Variants in FGF5 observed in about 807,000 individuals in gnomAD.
FGF5 encodes heparin-binding growth factor 5.
In FGF5, 23 loss-of-function variants were observed where a neutral mutation model predicts 21.8. The observed-to-expected ratio is 1.05, with a 90% CI of 0.76 to 1.49. FGF5 has a LOEUF of 1.49. FGF5 is among the 40% of genes most tolerant of loss of function. The pLI, the probability that FGF5 is intolerant of heterozygous loss-of-function variation, is 0.00. For synonymous variants in FGF5, 158 were observed against 124.0 expected (o/e 1.27, Z -1.82); for missense variants, 352 against 332.9 (o/e 1.06, Z -0.45).
Position 80,287,509 on chromosome 4 carries a change from T to C in FGF5, c.*837T>C, listed in dbSNP as rs1720771276. The C allele has an allele frequency of 6.6e-6, 1 of 152,184 alleles. No individual in the cohort carries two copies. Among genetic ancestry groups the C allele is most frequent in the Non-Finnish European group, 1.5e-5 (1 of 68,018 alleles). The allele number at this position is 152,184 out of a possible 1,614,324, so 9.4% of individuals were successfully genotyped here. A position where few individuals can be genotyped will look rare whatever the true frequency, so the allele number is the denominator to read the frequency against. On this transcript the variant is annotated 3_prime_UTR_variant, in exon 3 of 3. Coordinates refer to ENST00000312465, the MANE Select transcript of FGF5 (RefSeq NM_004464.4). ...AAGGAAAAGGATTTAGAGGTAAAAG[T>C]ACACTAAGTTTGCAACATTTATTGA...
chr4:80,267,028 C>A lies in FGF5; in HGVS notation c.204C>A (p.Gly68=). The A allele has an allele frequency of 6.2e-7, 1 of 1,614,264 alleles. No individual in the cohort carries two copies. Among genetic ancestry groups the A allele is most frequent in the Non-Finnish European group, 8.5e-7 (1 of 1,180,046 alleles). The part of the protein sequence containing the change: ...SASSSPAASL[G]SQGSGLEQSS... ...CCTCCTCCCCCGCAGCTTCTCTGGGCAGCCAAGGAAGTGGCTTGGAGCAGA... is the reference window on the plus strand; with the variant it reads ...CCTCCTCCCCCGCAGCTTCTCTGGGAAGCCAAGGAAGTGGCTTGGAGCAGA... The change falls in exon 1 of 3, where the codon GGC becomes GGA. Residue 68 remains glycine (G), a synonymous_variant. Transcript: ENST00000312465.
intron 2 of FGF5, among the ~76,000 whole-genome samples, chr4:80,279,843 A>C (rs1397111901): frequency 1.3e-5 from 2 of 152,190 alleles, no homozygotes; most frequent in Non-Finnish European, 2.9e-5. Context: ...GTTTTAGGGG[A>C]TCATGTTTGA....
intron 1 of FGF5, among the ~76,000 whole-genome samples, chr4:80,271,968 G>A (rs144920695): frequency 2.6e-5 from 4 of 152,298 alleles, no homozygotes; most frequent in East Asian, 1.9e-4. Context: ...GTTTTGGGGA[G>A]GAGGGCAGGA....
chr4:80,267,451 C>T lies in FGF5; in HGVS notation c.355+272C>T, dbSNP rs1225640836. Among the ~76,000 whole-genome samples, 7 of 152,326 alleles carry T rather than the reference C, an allele frequency of 4.6e-5. No homozygotes were observed. The East Asian group carries it at 9.7e-4, about 21-fold the overall frequency. The stretch of plus-strand genomic sequence containing the variant: ...AGACGGGTACCTTGTTTTCAGTTTG[C>T]TCTAGCCTCAAAGACGAGTCCCCAG... On this transcript the variant is annotated intron_variant, in intron 1 of 2. Coordinates refer to ENST00000312465, the MANE Select transcript of FGF5 (RefSeq NM_004464.4).
chr4:80,272,965 T>C (rs17004861), intron 1 of FGF5, among the ~76,000 whole-genome samples: 10,473 of 152,184 alleles, frequency 0.069, 406 homozygotes, highest in Non-Finnish European at 0.083. Context: ...ATCACTGTTA[T>C]AGTCATGCTT....
In FGF5 at chr4:80,267,066, G is replaced by T; in HGVS notation, c.242G>T (p.Trp81Leu). 2 of 1,614,236 alleles carry T rather than the reference G, an allele frequency of 1.2e-6. No individual in the cohort carries two copies. The highest frequency in any genetic ancestry group is 1.7e-6 in the Non-Finnish European group (2 of 1,180,046). ...GSGLEQSSFQWSPSGRRTGSL... is the reference protein window; with the variant it reads ...GSGLEQSSFQLSPSGRRTGSL... ...GGCTTGGAGCAGAGCAGTTTCCAGT[G>T]GAGCCCCTCGGGGCGCCGGACCGGC... The change falls in exon 1 of 3, where the codon TGG (tryptophan) becomes TTG (leucine). Residue 81 changes from tryptophan to leucine, a missense_variant. Transcript: ENST00000312465.
chr4:80,269,441 T>G (rs1178740567), intron 1 of FGF5, among the ~76,000 whole-genome samples: 1 of 151,992 alleles, frequency 6.6e-6, no homozygotes, highest in Non-Finnish European at 1.5e-5. Context: ...GAGGGGGTGT[T>G]GTAGAAAAGC....
In FGF5 at chr4:80,289,075, C is replaced by T. The variant is rs2109933399; in HGVS notation, c.*2403C>T. 1 of 150,938 alleles carries T rather than the reference C, an allele frequency of 6.6e-6. No individual in the cohort carries two copies. The highest frequency in any genetic ancestry group is 2.1e-4 in the South Asian group (1 of 4,778). The allele number at this position is 150,938 out of a possible 1,614,324, so 9.3% of individuals were successfully genotyped here. A position where few individuals can be genotyped will look rare whatever the true frequency, so the allele number is the denominator to read the frequency against. On this transcript the variant is annotated 3_prime_UTR_variant, in exon 3 of 3. Coordinates refer to ENST00000312465, the MANE Select transcript of FGF5 (RefSeq NM_004464.4). The stretch of plus-strand genomic sequence containing the variant: ...GTGGCATGATCTCGGCTCACTGCAA[C>T]CTCCAACTCCCTGGTTTAAGGGATT...
chr4:80,289,599 T>C lies in FGF5; in HGVS notation c.*2927T>C, dbSNP rs1356208155. ...CATGTCAGTTTTATCAATTATATTATGTTTAATTATTTAAGATTTCTTTAT... is the reference window on the plus strand; with the variant it reads ...CATGTCAGTTTTATCAATTATATTACGTTTAATTATTTAAGATTTCTTTAT... On this transcript the variant is annotated 3_prime_UTR_variant, in exon 3 of 3. Coordinates refer to ENST00000312465, the MANE Select transcript of FGF5 (RefSeq NM_004464.4). 2 of 152,130 alleles carry C rather than the reference T, an allele frequency of 1.3e-5. No individual in the cohort carries two copies. Among genetic ancestry groups the C allele is most frequent in the African/African-American group, 2.4e-5 (1 of 41,442 alleles). The allele number at this position is 152,130 out of a possible 1,614,324, so 9.4% of individuals were successfully genotyped here. A position where few individuals can be genotyped will look rare whatever the true frequency, so the allele number is the denominator to read the frequency against.
At chr4:80,269,384 A>G (rs773501123) in intron 1 of FGF5, among the ~76,000 whole-genome samples, 2 of 152,172 alleles carry the variant, frequency 1.3e-5, no homozygotes, top group Non-Finnish European at 2.9e-5. Flanking sequence ...CTTCTCTACG[A>G]AGACACTATA....
rs538995285 is a variant in FGF5, at chr4:80,270,561, T to A, written c.355+3382T>A. 2.0e-5 allele frequency among the ~76,000 whole-genome samples: 3 copies of A among 152,294 alleles called. No individual in the cohort carries two copies. The South Asian group carries it at 6.2e-4, about 32-fold the overall frequency. ...AAGCTCATTGTATATAAATCCTTAT[T>A]ATGAGGAAATACTGTGGAAAAATGA... On this transcript the variant is annotated intron_variant, in intron 1 of 2. Transcript: ENST00000312465.
chr4:80,270,830 T>C (rs1720252300), intron 1 of FGF5, among the ~76,000 whole-genome samples: 2 of 152,210 alleles, frequency 1.3e-5, no homozygotes, highest in Non-Finnish European at 2.9e-5. Flanking sequence ...ATCGTCGATG[T>C]TACTGCTTTT....
intron 1 of FGF5, among the ~76,000 whole-genome samples, chr4:80,267,489 A>G (rs1720130298): frequency 6.6e-6 from 1 of 152,170 alleles, no homozygotes; most frequent in African/African-American, 2.4e-5. Flanking sequence ...ATGACAGGAG[A>G]GAACAAAAAA....
Position 80,286,452 on chromosome 4 carries a change from GA to G in FGF5, c.591del (p.Ala198ProfsTer62). ...REWYVALNKR[G>X]KAKRGCSPRV... ...TGGTATGTGGCCCTGAATAAAAGAG[GA>G]AAAGCCAAACGAGGGTGCAGCCCCC... On this transcript the variant is annotated frameshift_variant, in exon 3 of 3. Coordinates refer to ENST00000312465, the MANE Select transcript of FGF5 (RefSeq NM_004464.4). LOFTEE classifies it high-confidence loss of function. 1 of 1,613,964 alleles carries G rather than the reference GA, an allele frequency of 6.2e-7. No individual in the cohort carries two copies. Among genetic ancestry groups the G allele is most frequent in the Non-Finnish European group, 8.5e-7 (1 of 1,179,970 alleles).
At chr4:80,277,500 T>C (rs1720446375) in intron 2 of FGF5, among the ~76,000 whole-genome samples, 1 of 152,176 alleles carries the variant, frequency 6.6e-6, no homozygotes, top group African/African-American at 2.4e-5. Flanking sequence ...AGAAATAGTA[T>C]TAATGCTAGC....
intron 1 of FGF5, among the ~76,000 whole-genome samples, chr4:80,269,602 G>T (rs146014462): frequency 6.6e-6 from 1 of 152,040 alleles, no homozygotes; most frequent in Admixed American, 6.6e-5. Flanking sequence ...AAACAGTGCC[G>T]ACAAAAAGCT....
At chr4:80,286,211 A>G in intron 2 of FGF5, 114 bp from the exon 3 acceptor site, 1 of 670,230 alleles carries the variant, frequency 1.5e-6, no homozygotes, top group Non-Finnish European at 2.5e-6. Flanking sequence ...GGAATTGAGT[A>G]GGAGGAACAG....
chr4:80,289,086 C>G lies in FGF5; in HGVS notation c.*2414C>G, dbSNP rs1482444680. The G allele has an allele frequency of 6.6e-6, 1 of 151,808 alleles. No individual in the cohort carries two copies. Among genetic ancestry groups the G allele is most frequent in the Non-Finnish European group, 1.5e-5 (1 of 67,998 alleles). 9.4% of individuals were successfully genotyped at this position (151,808 alleles called of 1,614,324 possible). ...TCGGCTCACTGCAACCTCCAACTCC[C>G]TGGTTTAAGGGATTCTCCTGCCTCA... On this transcript the variant is annotated 3_prime_UTR_variant, in exon 3 of 3. Transcript: ENST00000312465.
At chr4:80,267,528 C>T (rs1720131303) in intron 1 of FGF5, among the ~76,000 whole-genome samples, 1 of 152,180 alleles carries the variant, frequency 6.6e-6, no homozygotes, top group South Asian at 2.1e-4. Flanking sequence ...ATTTGTTTAC[C>T]TTCTGCTTAT....
Sources: gnomAD v4.1 joint callset for allele counts (sites outside exome capture counted in the v4.1 genomes callset) on GRCh38, gnomAD v4.1.1 for gene constraint, MANE v1.5 for transcripts, NCBI Gene and HGNC (gene_info 2026-07-23, HGNC 2026-07-21) for gene names.